The following GRAMD2A variants were observed in gnomAD, a reference collection of about 807,000 sequenced individuals.
GRAMD2A encodes GRAM domain-containing protein 2A.
Under a neutral mutation model 51.1 loss-of-function variants are expected in GRAMD2A, and 37 were observed. The observed-to-expected ratio is 0.72, with a 90% confidence interval of 0.56 to 0.95. The LOEUF (loss-of-function observed/expected upper bound fraction) is 0.95, where lower values mean the gene tolerates loss of function less well. Among genes scored for constraint, GRAMD2A ranks in the 40% least tolerant of loss-of-function variants. The probability of loss-of-function intolerance (pLI) is 0.00; values close to 1 mark genes in which losing one functional copy is unlikely to be tolerated. For missense variants in GRAMD2A, 414 were observed against 426.9 expected (o/e 0.97, Z 0.27); for synonymous variants, 136 against 157.1 (o/e 0.87, Z 1.01).
At chr15:72,184,116 G>A (rs1372930683) in intron 1 of GRAMD2A, among the ~76,000 whole-genome samples, 1 of 152,376 alleles carries the variant, frequency 6.6e-6, no homozygotes, top group African/African-American at 2.4e-5. Flanking sequence ...CCCCGAGGGG[G>A]TTGTTTGCAG....
In GRAMD2A at chr15:72,166,421, CAG is replaced by C. The variant is rs1044624063; in HGVS notation, c.543+209_543+210del. ...AGGAGCATCTGTATATGGGGACACACAGGGGCTCACTGGCCTCAAAGACATGC... is the reference window on the plus strand; with the variant it reads ...AGGAGCATCTGTATATGGGGACACACGGGCTCACTGGCCTCAAAGACATGC... On this transcript the variant is annotated intron_variant, in intron 7 of 11. Coordinates refer to ENST00000309731, the MANE Select transcript of GRAMD2A (RefSeq NM_001012642.3). This position sits in a 1 kb window ranked among gnomAD's most constrained non-coding sequence, Gnocchi z 4.1. 1.3e-5 allele frequency among the ~76,000 whole-genome samples: 2 copies of C among 152,162 alleles called. No individual in the cohort carries two copies. Among genetic ancestry groups the C allele is most frequent in the African/African-American group, 2.4e-5 (1 of 41,434 alleles).
chr15:72,176,606 C>A (rs187633292), intron 1 of GRAMD2A: 3 of 152,390 alleles, frequency 2.0e-5, no homozygotes, highest in Admixed American at 2.0e-4. Flanking sequence ...ACCCAGAAAC[C>A]AGGGAAATAG....
In GRAMD2A at chr15:72,161,872, G is replaced by T. The variant is rs1422648103; in HGVS notation, c.*137C>A. The T allele has an allele frequency of 4.7e-6, 4 of 843,330 alleles. No individual in the cohort carries two copies. In the East Asian group the frequency reaches 9.9e-5, roughly 21 times the overall value. The allele number at this position is 843,330 out of a possible 1,614,324, so 52.2% of individuals were successfully genotyped here. A position where few individuals can be genotyped will look rare whatever the true frequency, so the allele number is the denominator to read the frequency against. On this transcript the variant is annotated 3_prime_UTR_variant, in exon 12 of 12. Coordinates refer to ENST00000309731, the MANE Select transcript of GRAMD2A (RefSeq NM_001012642.3). ...GAGGGAAGAGAAGAGCTGCGGGGAGGAGGAGGGATCTGGAATATTTTCCTT... is the reference window on the plus strand; with the variant it reads ...GAGGGAAGAGAAGAGCTGCGGGGAGTAGGAGGGATCTGGAATATTTTCCTT...
Position 72,170,184 on chromosome 15 carries a change from G to C in GRAMD2A, c.42-245C>G. ...AGCCAGAAGTTCTGCTTATGCCTAGGCTGGGAGGAAAATCAACCTGTCTAC... is the reference window on the plus strand; with the variant it reads ...AGCCAGAAGTTCTGCTTATGCCTAGCCTGGGAGGAAAATCAACCTGTCTAC... On this transcript the variant is annotated intron_variant, in intron 1 of 11. Coordinates refer to ENST00000309731, the MANE Select transcript of GRAMD2A (RefSeq NM_001012642.3). The surrounding 1 kb of genome is among the most constrained non-coding windows in gnomAD (Gnocchi z 4.5). The C allele has an allele frequency of 1.6e-6, 1 of 625,884 alleles. No individual in the cohort carries two copies. Among genetic ancestry groups the C allele is most frequent in the Non-Finnish European group, 3.0e-6 (1 of 336,508 alleles). The allele number at this position is 625,884 out of a possible 1,614,324, so 38.8% of individuals were successfully genotyped here. A position where few individuals can be genotyped will look rare whatever the true frequency, so the allele number is the denominator to read the frequency against.
intron 1 of GRAMD2A, among the ~76,000 whole-genome samples, chr15:72,178,539 A>G (rs979072087): frequency 4.0e-5 from 6 of 151,364 alleles, no homozygotes; most frequent in Non-Finnish European, 7.4e-5. Flanking sequence ...TTTTGCAAAA[A>G]TAATGTCATT....
rs1422648103 is a variant in GRAMD2A at position 72,161,872 on chromosome 15, G to C, written c.*137C>G. 2 of 843,448 alleles carry C rather than the reference G, an allele frequency of 2.4e-6. No homozygotes were observed. Among genetic ancestry groups the C allele is most frequent in the South Asian group, 1.4e-5 (1 of 71,312 alleles). 52.2% of individuals were successfully genotyped at this position (843,448 alleles called of 1,614,324 possible). A position where few individuals can be genotyped will look rare whatever the true frequency, so the allele number is the denominator to read the frequency against. On this transcript the variant is annotated 3_prime_UTR_variant, in exon 12 of 12. Transcript: ENST00000309731. ...GAGGGAAGAGAAGAGCTGCGGGGAG[G>C]AGGAGGGATCTGGAATATTTTCCTT...
intron 1 of GRAMD2A, among the ~76,000 whole-genome samples, chr15:72,183,036 C>T (rs1455515571): frequency 6.6e-6 from 1 of 152,060 alleles, no homozygotes; most frequent in African/African-American, 2.4e-5. Flanking sequence ...CCATGCCCAG[C>T]TAATTTTGGT....
chr15:72,193,498 G>A (rs565740587), intron 1 of GRAMD2A, among the ~76,000 whole-genome samples: 6 of 151,060 alleles, frequency 4.0e-5, no homozygotes, highest in South Asian at 2.1e-4. Flanking sequence ...GATTACAGGC[G>A]TGAGCCACCA....
At position 72,163,398 on chromosome 15, in the gene GRAMD2A, G is replaced by A; in HGVS notation, c.824C>T (p.Pro275Leu). ...WPMPGWGPAC[P>L]KKMPNCSPTA... ...GGGAGAGCAGTTCGGCATCTTCTTA[G>A]GGCAGGCAGGACCCCAGCCTGGCAT... The change falls in exon 10 of 12, where the codon CCT (proline) becomes CTT (leucine). Residue 275 changes from proline (P) to leucine (L), a missense_variant. Pro to Leu is a moderately conservative substitution (Grantham distance 98). Coordinates refer to ENST00000309731, the MANE Select transcript of GRAMD2A (RefSeq NM_001012642.3). The A allele has an allele frequency of 2.5e-6, 4 of 1,614,100 alleles. No homozygotes were observed. The highest frequency in any genetic ancestry group is 3.4e-6 in the Non-Finnish European group (4 of 1,179,950).
intron 1 of GRAMD2A, among the ~76,000 whole-genome samples, chr15:72,196,713 T>C (rs2140564446): frequency 6.6e-6 from 1 of 152,144 alleles, no homozygotes; most frequent in East Asian, 1.9e-4. Context: ...CCTAGGAGCC[T>C]GGCCCCTGCA....
rs1483218299 is a variant in GRAMD2A at position 72,168,498 on chromosome 15, A to G, written c.261T>C (p.Val87=). The change falls in exon 4 of 12, where the codon GTT becomes GTC. Residue 87 remains valine, a synonymous_variant. Transcript: ENST00000309731. Reference sequence around the variant, plus strand: ...TACCGGGAGACAGCTCACCTTTGAGAACCACTTCCTCCAAGGGAACATCCT... The same window carrying G: ...TACCGGGAGACAGCTCACCTTTGAGGACCACTTCCTCCAAGGGAACATCCT... ...LFKDVPLEEV[V]LKVCSCALQR... 1.4e-5 allele frequency: 23 copies of G among 1,612,840 alleles called. No individual in the cohort carries two copies. Among genetic ancestry groups the G allele is most frequent in the Non-Finnish European group, 1.9e-5 (22 of 1,179,016 alleles).
chr15:72,162,662 C>CCT (rs1026776739), intron 10 of GRAMD2A: 1 of 315,468 alleles, frequency 3.2e-6, no homozygotes. Context: ...GTCATCCTAC[C>CCT]CTCTCTCTCA....
intron 1 of GRAMD2A, among the ~76,000 whole-genome samples, chr15:72,185,538 T>C (rs1443364066): frequency 1.3e-5 from 2 of 152,246 alleles, no homozygotes; most frequent in African/African-American, 4.8e-5. Context: ...AATTAATTTG[T>C]AAATGTTCCA....
At chr15:72,195,338 A>T (rs1481772739) in intron 1 of GRAMD2A, among the ~76,000 whole-genome samples, 1 of 152,254 alleles carries the variant, frequency 6.6e-6, no homozygotes, top group East Asian at 1.9e-4. Flanking sequence ...CCTGAGGCTT[A>T]GAACTCACTT....
At chr15:72,165,650 CAG>C (rs1207771018) in intron 7 of GRAMD2A, among the ~76,000 whole-genome samples, 1 of 151,774 alleles carries the variant, frequency 6.6e-6, no homozygotes, top group East Asian at 1.9e-4. Flanking sequence ...TCACCATAGG[CAG>C]AGAGAGTCAT....
At chr15:72,179,936 C>A (rs986555124) in intron 1 of GRAMD2A, among the ~76,000 whole-genome samples, 3 of 152,190 alleles carry the variant, frequency 2.0e-5, no homozygotes, top group African/African-American at 2.4e-5. Context: ...GAACCAGCCG[C>A]GGCAAGGCCC....
At chr15:72,176,771 AC>A (rs1399592816) in intron 1 of GRAMD2A, among the ~76,000 whole-genome samples, 1 of 142,386 alleles carries the variant, frequency 7.0e-6, no homozygotes, top group African/African-American at 2.7e-5. Context: ...CACTCAGCTC[AC>A]CTCCTACTTC....
At chr15:72,183,655 T>C (rs2081714702) in intron 1 of GRAMD2A, among the ~76,000 whole-genome samples, 1 of 151,968 alleles carries the variant, frequency 6.6e-6, no homozygotes. Flanking sequence ...CATGGTGAAA[T>C]CCTGTCTCTA....
chr15:72,191,071 A>G (rs1029924624), intron 1 of GRAMD2A, among the ~76,000 whole-genome samples: 4 of 152,244 alleles, frequency 2.6e-5, no homozygotes, highest in African/African-American at 9.6e-5. Context: ...GAAATGACTC[A>G]TTGGCCACCT....
Sources: gnomAD v4.1 joint callset for allele counts (sites outside exome capture counted in the v4.1 genomes callset) on GRCh38, gnomAD v4.1.1 for gene constraint, Gnocchi (gnomAD v3.1) non-coding constraint, MANE v1.5 for transcripts, NCBI Gene and HGNC (gene_info 2026-07-23, HGNC 2026-07-21) for gene names.